Variants in C5orf34 observed in about 807,000 individuals in gnomAD.
The protein encoded by C5orf34 is chromosome 5 open reading frame 34.
Under a neutral mutation model 78.4 loss-of-function variants are expected in C5orf34, and 73 were observed. The observed-to-expected ratio is 0.93, with a 90% CI of 0.77 to 1.13. C5orf34 has a LOEUF of 1.13. Among genes scored for constraint, C5orf34 ranks in the 50% most tolerant of loss-of-function variants. C5orf34 has a pLI of 0.00. For synonymous variants in C5orf34, 251 were observed against 246.6 expected, an observed-to-expected ratio of 1.02 and a Z score of -0.17; for missense variants, 730 against 732.7, an observed-to-expected ratio of 1.00 and a Z score of 0.04.
rs576269977 is a variant in C5orf34, at chr5:43,490,630, C to G, written c.1679+1G>C. The G allele has an allele frequency of 1.9e-6, 3 of 1,581,422 alleles. No homozygotes were observed. The highest frequency in any genetic ancestry group is 2.7e-5 in the African/African-American group (2 of 74,264). On this transcript the variant is annotated splice_donor_variant, in intron 11 of 12. Transcript: ENST00000306862. LOFTEE classifies it high-confidence loss of function. ...CAGATTTAAGTTTAAAAGAAAAATA[C>G]CAATTTTCTTGGAGAACAGAAGATG...
chr5:43,503,905 TA>T (rs1353561034), intron 4 of C5orf34, 145 bp from the exon 5 acceptor site: 17 of 585,030 alleles, frequency 2.9e-5, no homozygotes, highest in African/African-American at 2.6e-4. Flanking sequence ...GAAGGTATAT[TA>T]ATGAAATGTA....
intron 6 of C5orf34, chr5:43,496,270 T>G (rs1478088089): frequency 6.3e-7 from 1 of 1,585,730 alleles, no homozygotes; most frequent in Non-Finnish European, 8.6e-7. Context: ...AGCTTTCAGT[T>G]TATGCAAGAC....
intron 3 of C5orf34, among the ~76,000 whole-genome samples, chr5:43,507,073 T>TC (rs893078475): frequency 1.3e-5 from 2 of 152,158 alleles, no homozygotes; most frequent in Non-Finnish European, 2.9e-5. Flanking sequence ...AAAGTACCCA[T>TC]CCTAGGTAGT....
chr5:43,507,999 A>G (rs1016908999), intron 3 of C5orf34, among the ~76,000 whole-genome samples: 2 of 151,474 alleles, frequency 1.3e-5, no homozygotes, highest in South Asian at 4.2e-4. Flanking sequence ...AATGGCGTCA[A>G]CCTGGGAGGT....
At chr5:43,502,785 C>A (rs900299231) in intron 5 of C5orf34, among the ~76,000 whole-genome samples, 6 of 152,336 alleles carry the variant, frequency 3.9e-5, no homozygotes, top group Middle Eastern at 3.4e-3. Flanking sequence ...CTGCTAATCA[C>A]AAGGCTGGCA....
chr5:43,506,021 CCT>C lies in C5orf34; in HGVS notation c.657_658del (p.Gly220GlufsTer43). ...ACCAGGCGAAGGCAGCTCTTCCCTC[CCT>C]TCAGTTCCATTTACACAACTCATCT... On this transcript the variant is annotated frameshift_variant, in exon 4 of 13. Coordinates refer to ENST00000306862, the MANE Select transcript of C5orf34 (RefSeq NM_198566.4). LOFTEE classifies it high-confidence loss of function. The C allele has an allele frequency of 6.2e-7, 1 of 1,614,186 alleles. No individual in the cohort carries two copies. The highest frequency in any genetic ancestry group is 8.5e-7 in the Non-Finnish European group (1 of 1,180,036).
At chr5:43,507,099 C>A (rs1266924363) in intron 3 of C5orf34, among the ~76,000 whole-genome samples, 1 of 152,108 alleles carries the variant, frequency 6.6e-6, no homozygotes, top group African/African-American at 2.4e-5. Context: ...GCACACCATA[C>A]ACTAAAATAA....
rs1746128387 is a variant in C5orf34 at position 43,509,391 on chromosome 5, A to G, written c.-36-16T>C. The stretch of plus-strand genomic sequence containing the variant: ...AAGTCAAAGACTGAATGAAATAGGA[A>G]AAACAACAGCATAAATAGTTCTCTT... On this transcript the variant is annotated splice_polypyrimidine_tract_variant and intron_variant, in intron 1 of 12. Transcript: ENST00000306862. The G allele has an allele frequency of 1.4e-6, 2 of 1,411,916 alleles. No homozygotes were observed. The highest frequency in any genetic ancestry group is 1.9e-6 in the Non-Finnish European group (2 of 1,038,026). 87.5% of individuals were successfully genotyped at this position (1,411,916 alleles called of 1,614,324 possible).
chr5:43,504,275 T>A lies in C5orf34; in HGVS notation c.933-515A>T, dbSNP rs181112983. On this transcript the variant is annotated intron_variant, in intron 4 of 12. Coordinates refer to ENST00000306862, the MANE Select transcript of C5orf34 (RefSeq NM_198566.4). ...TGAGCTGAGATCGCGCCAGCCTGGG[T>A]GACAGAGCGAGAATCCATCTCAAAA... Among the ~76,000 whole-genome samples, 30 of 147,170 alleles carry A rather than the reference T, an allele frequency of 2.0e-4. No homozygotes were observed. In the East Asian group the frequency reaches 5.6e-3, roughly 28 times the overall value.
Position 43,492,915 on chromosome 5 carries a change from C to G in C5orf34, c.1315-25G>C, listed in dbSNP as rs769361001. ...CCTAAAACCAAGTAAATAAAAATAGCAGGAAATAGAGTTATCTAAGAACAA... is the reference window on the plus strand; with the variant it reads ...CCTAAAACCAAGTAAATAAAAATAGGAGGAAATAGAGTTATCTAAGAACAA... On this transcript the variant is annotated intron_variant, in intron 8 of 12. Coordinates refer to ENST00000306862, the MANE Select transcript of C5orf34 (RefSeq NM_198566.4). 6 of 1,507,378 alleles carry G rather than the reference C, an allele frequency of 4.0e-6. No homozygotes were observed. The Admixed American group carries it at 9.6e-5, about 24-fold the overall frequency. 93.4% of individuals were successfully genotyped at this position (1,507,378 alleles called of 1,614,324 possible).
At position 43,505,993 on chromosome 5, in the gene C5orf34, T is replaced by C. The variant is rs750663885; in HGVS notation, c.687A>G (p.Thr229=). ...CCCATGTGTATACACATGTGTGCTTTGTACCAGGCGAAGGCAGCTCTTCCC... is the reference window on the plus strand; with the variant it reads ...CCCATGTGTATACACATGTGTGCTTCGTACCAGGCGAAGGCAGCTCTTCCC... The part of the protein sequence containing the change: ...EGREELPSPG[T]KHTCVYTWVK... Residue 229 remains threonine, a synonymous_variant, in exon 4 of 13, where the codon ACA becomes ACG. Coordinates refer to ENST00000306862, the MANE Select transcript of C5orf34 (RefSeq NM_198566.4). 2.5e-6 allele frequency: 4 copies of C among 1,614,218 alleles called. No homozygotes were observed. The Admixed American group carries it at 6.7e-5, about 27-fold the overall frequency.
intron 6 of C5orf34, 46 bp downstream of exon 6, chr5:43,502,326 G>C (rs369878464): frequency 6.6e-5 from 105 of 1,597,414 alleles, no homozygotes; most frequent in Non-Finnish European, 8.5e-5. Context: ...TTTAGAAAGA[G>C]CTATACAGCA....
At chr5:43,496,605 T>G (rs1443210186) in intron 6 of C5orf34, among the ~76,000 whole-genome samples, 6 of 93,128 alleles carry the variant, frequency 6.4e-5, no homozygotes, top group Non-Finnish European at 1.4e-4. Context: ...TTTTTTTTTT[T>G]GGAGACAGGG....
intron 1 of C5orf34, among the ~76,000 whole-genome samples, chr5:43,510,814 G>A (rs1579884433): frequency 6.6e-6 from 1 of 152,232 alleles, no homozygotes; most frequent in African/African-American, 2.4e-5. Context: ...CCAGCCGCCT[G>A]CCTTGGCCTC....
At chr5:43,500,752 T>G (rs1745722824) in intron 6 of C5orf34, among the ~76,000 whole-genome samples, 1 of 152,250 alleles carries the variant, frequency 6.6e-6, no homozygotes, top group East Asian at 1.9e-4. Flanking sequence ...AACTTTTCTT[T>G]TATGCCTTCT....
chr5:43,493,627 A>C lies in C5orf34; in HGVS notation c.1245-15T>G. Reference sequence around the variant, plus strand: ...GTTGAAGAATTCTGTGAACACAAAAAATACTACTTAAACATTTGCAAATGA... The same window carrying C: ...GTTGAAGAATTCTGTGAACACAAAACATACTACTTAAACATTTGCAAATGA... On this transcript the variant is annotated splice_polypyrimidine_tract_variant and intron_variant, in intron 7 of 12. Transcript: ENST00000306862. 6.7e-7 allele frequency: 1 copy of C among 1,484,280 alleles called. No homozygotes were observed. The highest frequency in any genetic ancestry group is 9.2e-7 in the Non-Finnish European group (1 of 1,084,876). The allele number at this position is 1,484,280 out of a possible 1,614,324, so 91.9% of individuals were successfully genotyped here.
chr5:43,505,651 A>G, intron 4 of C5orf34, 97 bp downstream of exon 4: 1 of 1,330,190 alleles, frequency 7.5e-7, no homozygotes, highest in African/African-American at 1.5e-5. Context: ...GATGAGATAA[A>G]CTTTCCTTGT....
At chr5:43,492,976 T>A in intron 8 of C5orf34, 86 bp from the exon 9 acceptor site, 1 of 869,466 alleles carries the variant, frequency 1.2e-6, no homozygotes, top group Non-Finnish European at 1.7e-6. Context: ...AGGGCAATTT[T>A]GGATACTTAT....
Position 43,494,603 on chromosome 5 carries a change from T to C in C5orf34, c.1153-2A>G. On this transcript the variant is annotated splice_acceptor_variant, in intron 6 of 12. Transcript: ENST00000306862. LOFTEE classifies it high-confidence loss of function. Reference sequence around the variant, plus strand: ...TACTGAGTAAGTTTTCTCTTCTCTCTGAAAATTAGTTAAAATGAAAAATTT... The same window carrying C: ...TACTGAGTAAGTTTTCTCTTCTCTCCGAAAATTAGTTAAAATGAAAAATTT... The C allele has an allele frequency of 3.8e-6, 6 of 1,571,368 alleles. No homozygotes were observed. Among genetic ancestry groups the C allele is most frequent in the African/African-American group, 1.3e-5 (1 of 74,180 alleles).
Sources: gnomAD v4.1 joint callset for allele counts (sites outside exome capture counted in the v4.1 genomes callset) on GRCh38, gnomAD v4.1.1 for gene constraint, MANE v1.5 for transcripts, NCBI Gene and HGNC (gene_info 2026-07-23, HGNC 2026-07-21) for gene names.